MLLT10: variants seen among roughly 807,000 people sequenced by gnomAD.
MLLT10 encodes the protein MLLT10 histone lysine methyltransferase DOT1L cofactor.
Under a neutral mutation model 129.1 loss-of-function variants are expected in MLLT10, and 30 were observed. That is an observed-to-expected ratio of 0.23 (90% confidence interval 0.17 to 0.32). The LOEUF is 0.32. Among genes scored for constraint, MLLT10 ranks in the 10% least tolerant of loss-of-function variants. The probability of loss-of-function intolerance (pLI) is 1.00; values close to 1 mark genes in which losing one functional copy is unlikely to be tolerated. For missense variants in MLLT10, 1,119 were observed against 1,268.3 expected, an observed-to-expected ratio of 0.88 and a Z score of 1.79; for synonymous variants, 490 against 446.4, an observed-to-expected ratio of 1.10 and a Z score of -1.23.
chr10:21,683,987 T>C (rs569953422), intron 13 of MLLT10, among the ~76,000 whole-genome samples: 15 of 152,032 alleles, frequency 9.9e-5, no homozygotes, highest in Non-Finnish European at 1.8e-4. Flanking sequence ...TACAGCTATA[T>C]AATTTTATTT....
At chr10:21,704,009 GTTTTTTGTTTTT>G (rs1336849197) in intron 13 of MLLT10, among the ~76,000 whole-genome samples, 1 of 49,276 alleles carries the variant, frequency 2.0e-5, no homozygotes, top group Non-Finnish European at 4.3e-5. Context: ...GATTTCGATT[GTTTTTTGTTTTT>G]TTTTTTTTTT....
At chr10:21,704,331 C>CTA (rs2055251862) in intron 13 of MLLT10, among the ~76,000 whole-genome samples, 1 of 70,762 alleles carries the variant, frequency 1.4e-5, no homozygotes, top group Non-Finnish European at 2.9e-5. Flanking sequence ...TTTTTAAATT[C>CTA]TCTCTCTCTC....
chr10:21,585,389 G>C (rs2041896236), intron 3 of MLLT10, among the ~76,000 whole-genome samples: 1 of 152,082 alleles, frequency 6.6e-6, no homozygotes, highest in Admixed American at 6.6e-5. Flanking sequence ...TTTATTTTTG[G>C]TTTTAAATTC....
intron 3 of MLLT10, among the ~76,000 whole-genome samples, chr10:21,555,361 T>C (rs2037764696): frequency 6.6e-6 from 1 of 152,024 alleles, no homozygotes; most frequent in Non-Finnish European, 1.5e-5. Context: ...TAGCTGGGAT[T>C]ACAGGCGCCT....
At chr10:21,598,916 AC>A (rs2043255468) in intron 5 of MLLT10, among the ~76,000 whole-genome samples, 1 of 151,930 alleles carries the variant, frequency 6.6e-6, no homozygotes, top group African/African-American at 2.4e-5. Flanking sequence ...CTGCTGACTC[AC>A]GCCTGTAATC....
intron 3 of MLLT10, among the ~76,000 whole-genome samples, chr10:21,548,855 T>C (rs191060605): frequency 9.2e-5 from 14 of 152,310 alleles, no homozygotes; most frequent in Admixed American, 1.3e-4. Flanking sequence ...TATTCGTTTT[T>C]TTATTTGAAC....
At chr10:21,717,536 C>CTCT (rs1187801641) in intron 14 of MLLT10, among the ~76,000 whole-genome samples, 1 of 122,832 alleles carries the variant, frequency 8.1e-6, no homozygotes, top group East Asian at 2.5e-4. Flanking sequence ...CCTCCTCCTC[C>CTCT]TCCTCCCTTC....
chr10:21,669,752 C>A (rs2051195120), intron 9 of MLLT10, among the ~76,000 whole-genome samples: 1 of 152,120 alleles, frequency 6.6e-6, no homozygotes. Context: ...TTAAAAATGA[C>A]TGCTAAAACT....
In MLLT10 at chr10:21,649,959, CTT is replaced by C. The variant is rs369988689; in HGVS notation, c.700-1712_700-1711del. Among the ~76,000 whole-genome samples the C allele has an allele frequency of 4.1e-3, 628 of 152,242 alleles. 3 individuals are homozygous for C. The highest frequency in any genetic ancestry group is 6.5e-3 in the Non-Finnish European group (443 of 68,002). On this transcript the variant is annotated intron_variant, in intron 8 of 22. Coordinates refer to ENST00000307729, the MANE Select transcript of MLLT10 (RefSeq NM_001195626.3). The stretch of plus-strand genomic sequence containing the variant: ...TCATTATCTGCCACAATCAAAATAA[CTT>C]TAGGATAAAAATGTTTCCTAAAAAG...
chr10:21,681,437 T>A, intron 12 of MLLT10, 61 bp downstream of exon 12: 2 of 1,163,946 alleles, frequency 1.7e-6, no homozygotes, highest in Non-Finnish European at 1.3e-6. Flanking sequence ...CTCTTTCTAG[T>A]ATGTTATGCC....
In MLLT10 at chr10:21,622,056, A is replaced by G. The variant is rs868340446; in HGVS notation, c.699+4849A>G. On this transcript the variant is annotated intron_variant, in intron 8 of 22. Coordinates refer to ENST00000307729, the MANE Select transcript of MLLT10 (RefSeq NM_001195626.3). ...CAAGCTGTATTAGCACTGGTTAGGT[A>G]CTAACTGTAGTGCGAGCAAGGAGAG... Among the ~76,000 whole-genome samples the G allele has an allele frequency of 2.8e-4, 42 of 152,154 alleles. No homozygotes were observed. The Middle Eastern group carries it at 0.014, about 49-fold the overall frequency.
At chr10:21,579,549 T>A (rs2041159800) in intron 3 of MLLT10, among the ~76,000 whole-genome samples, 1 of 151,396 alleles carries the variant, frequency 6.6e-6, no homozygotes, top group African/African-American at 2.4e-5. Flanking sequence ...CTCTATTTCC[T>A]CTTTCAGATT....
chr10:21,555,423 A>G (rs981553461), intron 3 of MLLT10, among the ~76,000 whole-genome samples: 1 of 151,098 alleles, frequency 6.6e-6, no homozygotes, highest in South Asian at 2.1e-4. Flanking sequence ...GGGTTTTGCC[A>G]TGTTGGCCAT....
At chr10:21,605,754 T>C (rs1481955994) in intron 5 of MLLT10, among the ~76,000 whole-genome samples, 1 of 152,210 alleles carries the variant, frequency 6.6e-6, no homozygotes, top group Non-Finnish European at 1.5e-5. Context: ...TTTTTAAAAC[T>C]ATTTTTCTTG....
intron 16 of MLLT10, among the ~76,000 whole-genome samples, chr10:21,728,895 C>G (rs1021488586): frequency 3.5e-5 from 5 of 144,128 alleles, no homozygotes; most frequent in African/African-American, 1.3e-4. Context: ...CCAAAATGAA[C>G]TTTTTCATGT....
rs139282273 is a variant in MLLT10, at chr10:21,680,277, C to G, written c.1622-1055C>G. Among the ~76,000 whole-genome samples the G allele has an allele frequency of 8.9e-3, 1,359 of 151,918 alleles. 13 individuals are homozygous for G. Among genetic ancestry groups the G allele is most frequent in the African/African-American group, 0.031 (1,280 of 41,378 alleles). On this transcript the variant is annotated intron_variant, in intron 11 of 22. Coordinates refer to ENST00000307729, the MANE Select transcript of MLLT10 (RefSeq NM_001195626.3). Reference sequence around the variant, plus strand: ...CCAGGCTGTAGTGCGATGGTGCAATCTCGGCTCACTGAAACCACTGTTTGT... The same window carrying G: ...CCAGGCTGTAGTGCGATGGTGCAATGTCGGCTCACTGAAACCACTGTTTGT...
At chr10:21,665,927 G>A (rs1486243048) in intron 9 of MLLT10, among the ~76,000 whole-genome samples, 4 of 151,818 alleles carry the variant, frequency 2.6e-5, no homozygotes, top group East Asian at 1.9e-4. Context: ...GGCTGGTCTC[G>A]AACTCCTGAC....
chr10:21,712,398 G>C (rs575871817), intron 13 of MLLT10, among the ~76,000 whole-genome samples: 11 of 152,124 alleles, frequency 7.2e-5, no homozygotes, highest in Admixed American at 6.5e-4. Context: ...TTTTTGTAGA[G>C]ACAATATCTC....
At chr10:21,688,410 C>A in intron 13 of MLLT10, 1 of 1,150,662 alleles carries the variant, frequency 8.7e-7, no homozygotes, top group South Asian at 1.3e-5. Flanking sequence ...ATAATATCTT[C>A]AGTTTTTCAA....
Sources: gnomAD v4.1 joint callset for allele counts (sites outside exome capture counted in the v4.1 genomes callset) on GRCh38, gnomAD v4.1.1 for gene constraint, MANE v1.5 for transcripts, NCBI Gene and HGNC (gene_info 2026-07-23, HGNC 2026-07-21) for gene names.